FSTL4: variants seen among roughly 807,000 people sequenced by gnomAD.
FSTL4 encodes follistatin like 4, also known as follistatin-related protein 4.
FSTL4 carries 28 observed loss-of-function variants against 78.2 expected under a neutral mutation model. The ratio of observed to expected loss-of-function variants is 0.36; its 90% CI spans 0.27 to 0.49. The LOEUF (loss-of-function observed/expected upper bound fraction) is 0.49. Ranked by LOEUF, FSTL4 falls within the 20% of genes least tolerant of loss-of-function variation. The probability of loss-of-function intolerance (pLI) is 0.98; values close to 1 mark genes in which losing one functional copy is unlikely to be tolerated. For missense variants in FSTL4, 922 were observed against 1,084.9 expected, an observed-to-expected ratio of 0.85 and a Z score of 2.11; for synonymous variants, 422 against 440.5, an observed-to-expected ratio of 0.96 and a Z score of 0.53.
At chr5:133,684,706 G>A in the FSTL4 span, among the ~76,000 whole-genome samples, 1 of 152,178 alleles carries the variant, frequency 6.6e-6, no homozygotes, top group Non-Finnish European at 1.5e-5. Context: ...AGCATTTCAA[G>A]AAATGGGAAA....
intron 6 of FSTL4, among the ~76,000 whole-genome samples, chr5:133,287,978 C>T (rs1484585712): frequency 1.3e-5 from 2 of 152,186 alleles, no homozygotes; most frequent in Non-Finnish European, 2.9e-5. Flanking sequence ...TTGTTTTGGA[C>T]TTGGACTTGC....
chr5:133,649,834 T>C, the FSTL4 span, among the ~76,000 whole-genome samples: 1 of 152,210 alleles, frequency 6.6e-6, no homozygotes, highest in Admixed American at 6.5e-5. Flanking sequence ...AGAGTGCTGT[T>C]TCCAGAGCAA....
intron 4 of FSTL4, among the ~76,000 whole-genome samples, chr5:133,320,899 C>T (rs981167965): frequency 1.3e-5 from 2 of 148,296 alleles, no homozygotes; most frequent in Admixed American, 6.8e-5. Context: ...CCCAGCTACT[C>T]GGGAGGCTGA....
At chr5:133,617,002 A>C (rs1414936454), upstream of FSTL4, among the ~76,000 whole-genome samples, 1 of 152,104 alleles carries the variant, frequency 6.6e-6, no homozygotes, top group African/African-American at 2.4e-5. Context: ...ACTACTTCAG[A>C]TCAAGAAGTC....
chr5:133,672,925 T>A, the FSTL4 span, among the ~76,000 whole-genome samples: 20 of 152,214 alleles, frequency 1.3e-4, no homozygotes, highest in African/African-American at 4.6e-4. Flanking sequence ...GGGCACAGCT[T>A]AGTTTTATAC....
the FSTL4 span, among the ~76,000 whole-genome samples, chr5:133,714,120 C>T: frequency 6.6e-6 from 1 of 152,140 alleles, no homozygotes; most frequent in Non-Finnish European, 1.5e-5. Context: ...GGGTTTGAAT[C>T]ACACAATAAT....
At chr5:133,730,183 T>G in the FSTL4 span, among the ~76,000 whole-genome samples, 1 of 152,194 alleles carries the variant, frequency 6.6e-6, no homozygotes, top group Non-Finnish European at 1.5e-5. Context: ...ATTAAAGTCA[T>G]GTGGGAAGAT....
At chr5:133,348,640 C>G (rs1754752603) in intron 4 of FSTL4, among the ~76,000 whole-genome samples, 1 of 152,118 alleles carries the variant, frequency 6.6e-6, no homozygotes, top group African/African-American at 2.4e-5. Flanking sequence ...GTGGGCCACT[C>G]TCAGCTGTGT....
the FSTL4 span, among the ~76,000 whole-genome samples, chr5:133,820,252 C>T: frequency 3.3e-5 from 5 of 152,230 alleles, no homozygotes; most frequent in African/African-American, 1.2e-4. Context: ...TTTCTCTCCA[C>T]TTATTTCTGC....
At chr5:133,332,835 G>T (rs1025639051) in intron 4 of FSTL4, among the ~76,000 whole-genome samples, 1 of 152,166 alleles carries the variant, frequency 6.6e-6, no homozygotes, top group African/African-American at 2.4e-5. Context: ...TTTTTACCAC[G>T]AATGGTGCTC....
At chr5:133,719,507 T>G in the FSTL4 span, among the ~76,000 whole-genome samples, 639 of 151,644 alleles carry the variant, frequency 4.2e-3, 11 homozygotes, top group African/African-American at 0.015. Context: ...CCATCTCTAC[T>G]AAAAATACAA....
the FSTL4 span, among the ~76,000 whole-genome samples, chr5:133,674,329 T>C: frequency 1.3e-5 from 2 of 152,170 alleles, no homozygotes; most frequent in Non-Finnish European, 2.9e-5. Flanking sequence ...CTACAAAGCT[T>C]TTGGCTATCT....
chr5:133,623,222 A>G, the FSTL4 span, among the ~76,000 whole-genome samples: 1 of 151,500 alleles, frequency 6.6e-6, no homozygotes, highest in Non-Finnish European at 1.5e-5. Context: ...ATCTTTTAAT[A>G]GAAGAACAAA....
intron 3 of FSTL4, among the ~76,000 whole-genome samples, chr5:133,547,557 G>A (rs1467073189): frequency 6.6e-6 from 1 of 152,190 alleles, no homozygotes; most frequent in Non-Finnish European, 1.5e-5. Context: ...AGGTGATTGG[G>A]TTGTTAAGAG....
the FSTL4 span, among the ~76,000 whole-genome samples, chr5:133,706,079 G>A: frequency 2.0e-5 from 3 of 152,168 alleles, no homozygotes; most frequent in Non-Finnish European, 4.4e-5. Flanking sequence ...CAATAGCACC[G>A]TAATAGGAAG....
intron 4 of FSTL4, among the ~76,000 whole-genome samples, chr5:133,347,360 T>C (rs1754719184): frequency 6.6e-6 from 1 of 152,222 alleles, no homozygotes; most frequent in South Asian, 2.1e-4. Context: ...TTTTTATTTT[T>C]ACTTTTTTGA....
At chr5:133,482,187 T>G (rs542531222) in intron 3 of FSTL4, among the ~76,000 whole-genome samples, 1 of 152,236 alleles carries the variant, frequency 6.6e-6, no homozygotes, top group Admixed American at 6.5e-5. Context: ...GCCATGCAAA[T>G]GTGTGTTTGA....
At chr5:133,704,392 G>A in the FSTL4 span, among the ~76,000 whole-genome samples, 1 of 152,176 alleles carries the variant, frequency 6.6e-6, no homozygotes, top group Non-Finnish European at 1.5e-5. Context: ...CAACTTTATG[G>A]TTCCCATGTC....
intron 3 of FSTL4, among the ~76,000 whole-genome samples, chr5:133,525,756 G>A (rs561096037): frequency 6.6e-6 from 1 of 152,296 alleles, no homozygotes; most frequent in South Asian, 2.1e-4. Context: ...TGCAAATGAA[G>A]AAATTGAGTC....
Sources: gnomAD v4.1 joint callset for allele counts (sites outside exome capture counted in the v4.1 genomes callset) on GRCh38, gnomAD v4.1.1 for gene constraint, MANE v1.5 for transcripts, NCBI Gene and HGNC (gene_info 2026-07-23, HGNC 2026-07-21) for gene names.